Variants in INPP1 observed in about 807,000 individuals in gnomAD.
INPP1 encodes inositol polyphosphate-1-phosphatase, also known as inositol polyphosphate 1-phosphatase.
A neutral mutation model predicts 23.0 loss-of-function variants in INPP1; 18 were observed. The ratio of observed to expected loss-of-function variants is 0.78; its 90% confidence interval spans 0.54 to 1.16. The LOEUF (loss-of-function observed/expected upper bound fraction) is 1.16, where lower values mean the gene tolerates loss of function less well. Among genes scored for constraint, INPP1 ranks in the 50% most tolerant of loss-of-function variants. The pLI is 0.00. For missense variants in INPP1, 448 were observed against 482.1 expected (o/e 0.93, Z 0.66); for synonymous variants, 164 against 176.3 (o/e 0.93, Z 0.55).
In INPP1 at chr2:190,355,774, T is replaced by G. The variant is rs1689409925; in HGVS notation, c.-64-4265T>G. Reference sequence around the variant, plus strand: ...AGTGGTCTTAGGTGAATGATGAGTATGTAAACTTACTTTTTAAAAAATCAT... The same window carrying G: ...AGTGGTCTTAGGTGAATGATGAGTAGGTAAACTTACTTTTTAAAAAATCAT... On this transcript the variant is annotated intron_variant, in intron 2 of 6. Transcript: ENST00000392329. The surrounding 1 kb of genome is among the most constrained non-coding windows in gnomAD (Gnocchi z 5.1). Among the ~76,000 whole-genome samples the G allele has an allele frequency of 6.6e-6, 1 of 152,226 alleles. No individual in the cohort carries two copies. Among genetic ancestry groups the G allele is most frequent in the Admixed American group, 6.5e-5 (1 of 15,284 alleles).
At chr2:190,357,308 G>C (rs1230121328) in intron 2 of INPP1, among the ~76,000 whole-genome samples, 2 of 152,110 alleles carry the variant, frequency 1.3e-5, no homozygotes, top group Admixed American at 1.3e-4. Flanking sequence ...TATTATAAAA[G>C]CACTGTATAT....
rs1689740390 is a variant in INPP1, at chr2:190,368,879, G to A, written c.467-224G>A. 2.9e-6 allele frequency: 1 copy of A among 350,230 alleles called. No homozygotes were observed. Among genetic ancestry groups the A allele is most frequent in the African/African-American group, 2.1e-5 (1 of 47,682 alleles). 21.7% of individuals were successfully genotyped at this position (350,230 alleles called of 1,614,324 possible). A position where few individuals can be genotyped will look rare whatever the true frequency, so the allele number is the denominator to read the frequency against. ...TTATATACAAATTGCTATGCCACAG[G>A]AACTATAGACACATCCTCTCCCTTC... On this transcript the variant is annotated intron_variant, in intron 5 of 6. Coordinates refer to ENST00000392329, the MANE Select transcript of INPP1 (RefSeq NM_001128928.2). This position sits in a 1 kb window ranked among gnomAD's most constrained non-coding sequence, Gnocchi z 4.3.
In INPP1 at chr2:190,367,213, T is replaced by C. The variant is rs1689698633; in HGVS notation, c.466+318T>C. ...AGACTTCAGGGACCAGACTGGTAAGTAAATGAGAGAATGAAGTGAGAGCAG... is the reference window on the plus strand; with the variant it reads ...AGACTTCAGGGACCAGACTGGTAAGCAAATGAGAGAATGAAGTGAGAGCAG... On this transcript the variant is annotated intron_variant, in intron 5 of 6. Coordinates refer to ENST00000392329, the MANE Select transcript of INPP1 (RefSeq NM_001128928.2). This position sits in a 1 kb window ranked among gnomAD's most constrained non-coding sequence, Gnocchi z 4.1. 6.6e-6 allele frequency among the ~76,000 whole-genome samples: 1 copy of C among 152,074 alleles called. No homozygotes were observed. Among genetic ancestry groups the C allele is most frequent in the Non-Finnish European group, 1.5e-5 (1 of 68,020 alleles).
At chr2:190,351,824 A>G (rs1252615419) in intron 2 of INPP1, among the ~76,000 whole-genome samples, 1 of 152,198 alleles carries the variant, frequency 6.6e-6, no homozygotes, top group African/African-American at 2.4e-5. Context: ...AAATATCTAC[A>G]AGGGAAATTA....
intron 2 of INPP1, among the ~76,000 whole-genome samples, chr2:190,357,585 A>G (rs547148370): frequency 6.6e-6 from 1 of 152,340 alleles, no homozygotes; most frequent in East Asian, 1.9e-4. Flanking sequence ...ACTGTATAGT[A>G]TTTTGTTTTA....
chr2:190,365,599 T>C (rs1689628688), intron 4 of INPP1, among the ~76,000 whole-genome samples: 1 of 152,224 alleles, frequency 6.6e-6, no homozygotes. Flanking sequence ...TAGGGAGGTC[T>C]TTTGATTCCT....
intron 3 of INPP1, 74 bp downstream of exon 3, chr2:190,360,380 C>T (rs1689512949): frequency 7.7e-7 from 1 of 1,306,006 alleles, no homozygotes; most frequent in Non-Finnish European, 1.1e-6. Flanking sequence ...AATAGCATGC[C>T]TTTTGCTCCT....
rs1481445309 is a variant in INPP1, at chr2:190,352,210, C to T, written c.-65+3179C>T. Among the ~76,000 whole-genome samples the T allele has an allele frequency of 6.6e-6, 1 of 152,154 alleles. No homozygotes were observed. Among genetic ancestry groups the T allele is most frequent in the Non-Finnish European group, 1.5e-5 (1 of 68,030 alleles). ...AGGGCGTGTCAACCAGAGGGAGCAGCATGTGCAAATTTACAATCTTCCCAG... is the reference window on the plus strand; with the variant it reads ...AGGGCGTGTCAACCAGAGGGAGCAGTATGTGCAAATTTACAATCTTCCCAG... On this transcript the variant is annotated intron_variant, in intron 2 of 6. Transcript: ENST00000392329. This position sits in a 1 kb window ranked among gnomAD's most constrained non-coding sequence, Gnocchi z 4.7.
rs539909671 is a variant in INPP1, at chr2:190,363,978, G to A, written c.265+1291G>A. On this transcript the variant is annotated intron_variant, in intron 4 of 6. Transcript: ENST00000392329. This position sits in a 1 kb window ranked among gnomAD's most constrained non-coding sequence, Gnocchi z 4.4. The stretch of plus-strand genomic sequence containing the variant: ...TTAGATTTCCCTCTCAGTGGGATGG[G>A]AGGTCTCTGGCAAATTTCAAGCAAA... Among the ~76,000 whole-genome samples the A allele has an allele frequency of 6.6e-6, 1 of 152,282 alleles. No individual in the cohort carries two copies. Among genetic ancestry groups the A allele is most frequent in the South Asian group, 2.1e-4 (1 of 4,824 alleles).
Position 190,371,290 on chromosome 2 carries a change from T to G in INPP1, c.1088T>G (p.Val363Gly). The G allele has an allele frequency of 6.2e-7, 1 of 1,609,806 alleles. No individual in the cohort carries two copies. ...YHVENEGAAG[V>G]DRWANKGGLI... ...GTGGAAAATGAGGGTGCTGCTGGGG[T>G]GGATCGGTGGGCCAACAAGGGAGGA... Residue 363 changes from valine (V) to glycine (G), a missense_variant, in exon 7 of 7, where the codon GTG (valine) becomes GGG (glycine). Physicochemically the swap from Val to Gly is moderately radical, Grantham distance 109. Transcript: ENST00000392329. The surrounding 1 kb of genome is among the most constrained non-coding windows in gnomAD (Gnocchi z 5.3).
chr2:190,359,373 C>T (rs1282054508), intron 2 of INPP1, among the ~76,000 whole-genome samples: 5 of 151,676 alleles, frequency 3.3e-5, no homozygotes, highest in Admixed American at 1.3e-4. Flanking sequence ...CTGGATAACA[C>T]GGTGAAACCC....
intron 1 of INPP1, among the ~76,000 whole-genome samples, chr2:190,344,941 G>A (rs1689186465): frequency 6.6e-6 from 1 of 152,152 alleles, no homozygotes; most frequent in African/African-American, 2.4e-5. Context: ...ATAAGGATCA[G>A]CCCTGCTCAA....
Position 190,369,125 on chromosome 2 carries a change from A to G in INPP1, c.489A>G (p.Lys163=). ...CAGATTCAACTTATCAGTATATAAA[A>G]GGTTCTGCTGACATTAAATCCAACC... ...DPIDSTYQYI[K]GSADIKSNQG... Residue 163 remains lysine (K), a synonymous_variant, in exon 6 of 7, where the codon AAA becomes AAG. Transcript: ENST00000392329. 6.3e-7 allele frequency: 1 copy of G among 1,597,308 alleles called. No homozygotes were observed.
rs2028431 is a variant in INPP1, at chr2:190,343,615, C to T, written c.-555C>T. The T allele has an allele frequency of 0.2, 29,784 of 152,172 alleles. 3,190 individuals are homozygous for T. Among genetic ancestry groups the T allele is most frequent in the East Asian group, 0.3 (1,543 of 5,154 alleles). The allele number at this position is 152,172 out of a possible 1,614,324, so 9.4% of individuals were successfully genotyped here. ...CTTGTGACGTCGCGGACGCCCGGCT[C>T]GGGCAGGCGTGGGGGGCCCGCGCGT... On this transcript the variant is annotated 5_prime_UTR_variant, in exon 1 of 7. Coordinates refer to ENST00000392329, the MANE Select transcript of INPP1 (RefSeq NM_001128928.2).
At chr2:190,369,034 A>G in intron 5 of INPP1, 69 bp from the exon 6 acceptor site, 1 of 877,140 alleles carries the variant, frequency 1.1e-6, no homozygotes, top group Non-Finnish European at 1.7e-6. Flanking sequence ...TAGAAGAGAG[A>G]AGTCATATGG....
In INPP1 at chr2:190,367,563, T is replaced by C. The variant is rs113550116; in HGVS notation, c.466+668T>C. Among the ~76,000 whole-genome samples the C allele has an allele frequency of 7.6e-3, 1,162 of 152,290 alleles. 3 individuals carry two copies. Among genetic ancestry groups the C allele is most frequent in the Middle Eastern group, 0.014 (4 of 294 alleles). On this transcript the variant is annotated intron_variant, in intron 5 of 6. Coordinates refer to ENST00000392329, the MANE Select transcript of INPP1 (RefSeq NM_001128928.2). This position sits in a 1 kb window ranked among gnomAD's most constrained non-coding sequence, Gnocchi z 4.1. Reference sequence around the variant, plus strand: ...ATTGTTTTGAAAATGTAACCCTTTTTTTTGAGACAGAGTCTCGTGTTGCAC... The same window carrying C: ...ATTGTTTTGAAAATGTAACCCTTTTCTTTGAGACAGAGTCTCGTGTTGCAC...
chr2:190,371,445 A>T lies in INPP1; in HGVS notation c.*43A>T, dbSNP rs762624803. ...TGTACCTGTATAAACTGAACTGTGA[A>T]ACTGTTTCGGTTATCTCTGTCTTTT... is the stretch of plus-strand genomic sequence containing the variant. On this transcript the variant is annotated 3_prime_UTR_variant, in exon 7 of 7. Coordinates refer to ENST00000392329, the MANE Select transcript of INPP1 (RefSeq NM_001128928.2). The surrounding 1 kb of genome is among the most constrained non-coding windows in gnomAD (Gnocchi z 5.3). 7.0e-7 allele frequency: 1 copy of T among 1,420,496 alleles called. No homozygotes were observed. Among genetic ancestry groups the T allele is most frequent in the African/African-American group, 1.4e-5 (1 of 69,746 alleles). 88.0% of individuals were successfully genotyped at this position (1,420,496 alleles called of 1,614,324 possible). A position where few individuals can be genotyped will look rare whatever the true frequency, so the allele number is the denominator to read the frequency against.
intron 4 of INPP1, among the ~76,000 whole-genome samples, chr2:190,365,967 CTCGCTCTCTCGCTCTG>C (rs201133521): frequency 8.2e-4 from 120 of 146,924 alleles, no homozygotes; most frequent in South Asian, 2.0e-3. Flanking sequence ...TTTGCTCTCT[CTCGCTCTCTCGCTCTG>C]TCTCGCTCTC....
chr2:190,354,579 G>A lies in INPP1; in HGVS notation c.-64-5460G>A, dbSNP rs1689383578. 6.6e-6 allele frequency among the ~76,000 whole-genome samples: 1 copy of A among 152,190 alleles called. No homozygotes were observed. Among genetic ancestry groups the A allele is most frequent in the South Asian group, 2.1e-4 (1 of 4,828 alleles). On this transcript the variant is annotated intron_variant, in intron 2 of 6. Coordinates refer to ENST00000392329, the MANE Select transcript of INPP1 (RefSeq NM_001128928.2). The surrounding 1 kb of genome is among the most constrained non-coding windows in gnomAD (Gnocchi z 4.8). The stretch of plus-strand genomic sequence containing the variant: ...GGCCAGGTGAGGCCACAATGAGAGG[G>A]GCCGTCTGTGAGCCAAGGAGCAAAG...
Sources: gnomAD v4.1 joint callset for allele counts (sites outside exome capture counted in the v4.1 genomes callset) on GRCh38, gnomAD v4.1.1 for gene constraint, Gnocchi (gnomAD v3.1) non-coding constraint, MANE v1.5 for transcripts, NCBI Gene and HGNC (gene_info 2026-07-23, HGNC 2026-07-21) for gene names.